The following UBE2K variants were observed in gnomAD, a reference collection of about 807,000 sequenced individuals.
UBE2K encodes ubiquitin conjugating enzyme E2 K.
Under a neutral mutation model 30.0 loss-of-function variants are expected in UBE2K, and 6 were observed. That is an observed-to-expected ratio of 0.20 (90% confidence interval 0.11 to 0.39). The LOEUF (loss-of-function observed/expected upper bound fraction) is 0.39, where lower values mean the gene tolerates loss of function less well. UBE2K is among the 10% of genes least tolerant of loss of function. The pLI is 1.00. For synonymous variants in UBE2K, 86 were observed against 83.7 expected (o/e 1.03, Z -0.15); for missense variants, 61 against 241.6 (o/e 0.25, Z 4.96).
chr4:39,737,335 G>T, intron 1 of UBE2K, 85 bp from the exon 2 acceptor site: 1 of 666,000 alleles, frequency 1.5e-6, no homozygotes. Context: ...TTATGAAAGA[G>T]GGGGTTTCAA....
At chr4:39,736,013 GT>G (rs11323808) in intron 1 of UBE2K, among the ~76,000 whole-genome samples, 121,772 of 149,196 alleles carry the variant, frequency 0.82, 49,906 homozygotes, top group East Asian at 0.92. Context: ...AAAAATTGTG[GT>G]TTTTTTTTTT....
At position 39,780,232 on chromosome 4, in the gene UBE2K, C is replaced by T. The variant is rs928635703; in HGVS notation, c.*1798C>T. On this transcript the variant is annotated 3_prime_UTR_variant, in exon 7 of 7. Transcript: ENST00000261427. ...TATTTATTTTAAATACCTGAAACCT[C>T]GTACTTTATATTTTGAAGTAAGGTG... 3 of 152,066 alleles carry T rather than the reference C, an allele frequency of 2.0e-5. No individual in the cohort carries two copies. Among genetic ancestry groups the T allele is most frequent in the Admixed American group, 6.6e-5 (1 of 15,256 alleles). 9.4% of individuals were successfully genotyped at this position (152,066 alleles called of 1,614,324 possible).
chr4:39,733,890 T>G (rs1191464520), intron 1 of UBE2K, among the ~76,000 whole-genome samples: 1 of 152,184 alleles, frequency 6.6e-6, no homozygotes, highest in Admixed American at 6.5e-5. Context: ...TTATAGTTCC[T>G]GACTCTTAAA....
chr4:39,738,019 A>G (rs1413982254), intron 2 of UBE2K, among the ~76,000 whole-genome samples: 1 of 152,176 alleles, frequency 6.6e-6, no homozygotes, highest in African/African-American at 2.4e-5. Context: ...CATAGAAAGG[A>G]GGTGGCTTTG....
intron 1 of UBE2K, chr4:39,714,072 G>A (rs913305165): frequency 1.3e-5 from 2 of 152,126 alleles, no homozygotes; most frequent in African/African-American, 4.8e-5. Context: ...ATTTTTTGTA[G>A]AGATGAGGTC....
rs764554996 is a variant in UBE2K, at chr4:39,698,196, T to G, written c.-132T>G. ...ACTGAGGCGAGCGCGGCGGCCGGGG[T>G]GGTAGTGGCAGTGTTCGTGTGCTCA... On this transcript the variant is annotated 5_prime_UTR_variant, in exon 1 of 7. Transcript: ENST00000261427. The G allele has an allele frequency of 7.0e-6, 6 of 856,222 alleles. No homozygotes were observed. Among genetic ancestry groups the G allele is most frequent in the Non-Finnish European group, 9.6e-6 (5 of 521,050 alleles). 53.0% of individuals were successfully genotyped at this position (856,222 alleles called of 1,614,324 possible).
chr4:39,751,959 T>G (rs904601884), intron 3 of UBE2K, among the ~76,000 whole-genome samples: 1 of 152,136 alleles, frequency 6.6e-6, no homozygotes, highest in Admixed American at 6.5e-5. Context: ...CAAGTGAGAC[T>G]CTGTCTCAAT....
chr4:39,750,367 C>T (rs1052528255), intron 3 of UBE2K, among the ~76,000 whole-genome samples: 14 of 152,056 alleles, frequency 9.2e-5, no homozygotes, highest in African/African-American at 3.1e-4. Flanking sequence ...AGATAAGAAC[C>T]GTTGATGCTA....
intron 1 of UBE2K, chr4:39,714,550 A>ATATATATATATTTTT: frequency 1.1e-4 from 2 of 17,854 alleles, no homozygotes; most frequent in Non-Finnish European, 1.7e-4. Context: ...ATATATATAT[A>ATATATATATATTTTT]TTTTTTTTTT....
intron 1 of UBE2K, among the ~76,000 whole-genome samples, chr4:39,716,270 G>A (rs546864945): frequency 1.3e-5 from 2 of 152,258 alleles, no homozygotes; most frequent in South Asian, 4.1e-4. Flanking sequence ...CATGGTGTCT[G>A]TCTGTCTATC....
At position 39,745,816 on chromosome 4, in the gene UBE2K, GTAAGCC is replaced by G. The variant is rs1372508004; in HGVS notation, c.216+9_216+14del. On this transcript the variant is annotated splice_region_variant and intron_variant, in intron 3 of 6. Coordinates refer to ENST00000261427, the MANE Select transcript of UBE2K (RefSeq NM_005339.5). ...ACCCATTTAATCCCCCTAAGGTATT[GTAAGCC>G]TATTTTTGTGCATGAAGTTACAAAA... 1.9e-6 allele frequency: 3 copies of G among 1,588,292 alleles called. No individual in the cohort carries two copies. Among genetic ancestry groups the G allele is most frequent in the African/African-American group, 1.4e-5 (1 of 73,870 alleles).
Position 39,779,900 on chromosome 4 carries a change from T to G in UBE2K, c.*1466T>G, listed in dbSNP as rs1204792243. 1.3e-5 allele frequency: 2 copies of G among 152,166 alleles called. No homozygotes were observed. Among genetic ancestry groups the G allele is most frequent in the African/African-American group, 4.8e-5 (2 of 41,454 alleles). The allele number at this position is 152,166 out of a possible 1,614,324, so 9.4% of individuals were successfully genotyped here. On this transcript the variant is annotated 3_prime_UTR_variant, in exon 7 of 7. Transcript: ENST00000261427. ...TATCTTAAATTATAATCGTTAAATG[T>G]TTGGAAGATAATTTTTGAATCATAA...
At chr4:39,752,629 C>T (rs1444456907) in intron 3 of UBE2K, among the ~76,000 whole-genome samples, 1 of 152,122 alleles carries the variant, frequency 6.6e-6, no homozygotes, top group Non-Finnish European at 1.5e-5. Flanking sequence ...AGCCACTGCG[C>T]CCAGCCACCA....
intron 4 of UBE2K, among the ~76,000 whole-genome samples, chr4:39,763,206 T>C (rs1453280883): frequency 1.3e-5 from 2 of 151,828 alleles, no homozygotes; most frequent in South Asian, 2.1e-4. Flanking sequence ...GCCTCCCAAA[T>C]TGCTGGGGTT....
chr4:39,708,208 T>G lies in UBE2K; in HGVS notation c.63+9818T>G, dbSNP rs549468413. Among the ~76,000 whole-genome samples the G allele has an allele frequency of 2.6e-5, 4 of 152,198 alleles. 1 individual carries two copies. Among genetic ancestry groups the G allele is most frequent in the African/African-American group, 9.6e-5 (4 of 41,572 alleles). ...AGCCACCGCGCCTGGCCGAGATTCT[T>G]AAGTAAATGAACTTTTCTTTAGGCA... On this transcript the variant is annotated intron_variant, in intron 1 of 6. Coordinates refer to ENST00000261427, the MANE Select transcript of UBE2K (RefSeq NM_005339.5).
intron 1 of UBE2K, among the ~76,000 whole-genome samples, chr4:39,733,612 C>T (rs138630497): frequency 2.0e-4 from 30 of 152,176 alleles, no homozygotes; most frequent in Middle Eastern, 6.8e-3. Flanking sequence ...GGATTACAGT[C>T]GTGAGCCACT....
At chr4:39,731,445 C>A (rs568032085) in intron 1 of UBE2K, among the ~76,000 whole-genome samples, 196 of 151,998 alleles carry the variant, frequency 1.3e-3, no homozygotes, top group African/African-American at 4.6e-3. Flanking sequence ...TTTGGGAAGC[C>A]GAGGCAGGTG....
At chr4:39,764,933 C>A (rs1450739132) in intron 4 of UBE2K, among the ~76,000 whole-genome samples, 3 of 150,470 alleles carry the variant, frequency 2.0e-5, no homozygotes, top group Non-Finnish European at 4.4e-5. Flanking sequence ...GTGGCCCAGG[C>A]TGGAGTGCAG....
intron 4 of UBE2K, among the ~76,000 whole-genome samples, chr4:39,760,176 C>CAAAAAAAAAAAAAAAAAAAAAAA (rs71194913): frequency 1.3e-4 from 10 of 77,178 alleles, no homozygotes; most frequent in African/African-American, 3.7e-4. Flanking sequence ...GACTCTGTCA[C>CAAAAAAAAAAAAAAAAAAAAAAA]AAAAAAAAAA....
Sources: allele counts gnomAD v4.1 joint callset (sites outside exome capture counted in the v4.1 genomes callset), GRCh38; gene constraint gnomAD v4.1.1; transcripts MANE v1.5; gene names NCBI Gene and HGNC (gene_info 2026-07-23, HGNC 2026-07-21).